Variants in GJC1 observed in about 807,000 individuals in gnomAD.
GJC1 encodes gap junction gamma-1 protein.
Under a neutral mutation model 29.3 loss-of-function variants are expected in GJC1, and 5 were observed. The observed-to-expected ratio is 0.17, with a 90% CI of 0.09 to 0.36. GJC1 has a LOEUF of 0.36. GJC1 is among the 10% of genes least tolerant of loss of function. The pLI, the probability that GJC1 is intolerant of heterozygous loss-of-function variation, is 1.00. For synonymous variants in GJC1, 177 were observed against 183.3 expected (o/e 0.97, Z 0.28); for missense variants, 310 against 496.2 (o/e 0.62, Z 3.56).
intron 1 of GJC1, among the ~76,000 whole-genome samples, chr17:44,819,162 A>G (rs907858541): frequency 6.6e-6 from 1 of 152,082 alleles, no homozygotes; most frequent in African/African-American, 2.4e-5. Flanking sequence ...TCATCTTGTA[A>G]AACTGAAACT....
chr17:44,830,617 C>T, upstream of GJC1: 1 of 398,670 alleles, frequency 2.5e-6, no homozygotes, highest in East Asian at 3.6e-5. This position sits in a 1 kb window ranked among gnomAD's most constrained non-coding sequence, Gnocchi z 4.3. Flanking sequence ...CCGCTAACGG[C>T]GCCGTGGGTT....
At chr17:44,797,976 G>A (rs1392617697), downstream of GJC1, among the ~76,000 whole-genome samples, 5 of 152,166 alleles carry the variant, frequency 3.3e-5, no homozygotes, top group African/African-American at 1.2e-4. Flanking sequence ...TCAGGAGGTG[G>A]ATTAGGCTTT....
intron 2 of GJC1, among the ~76,000 whole-genome samples, chr17:44,807,094 AC>A: frequency 6.6e-6 from 1 of 152,334 alleles, no homozygotes; most frequent in African/African-American, 2.4e-5. Context: ...ATACTTCTGT[AC>A]CTTATTTATG....
downstream of GJC1, among the ~76,000 whole-genome samples, chr17:44,795,884 G>A (rs967562099): frequency 1.3e-5 from 2 of 152,224 alleles, no homozygotes; most frequent in East Asian, 1.9e-4. Flanking sequence ...TGGAAGAATC[G>A]GATCGCACGT....
Position 44,804,554 on chromosome 17 carries a change from A to G in GJC1, c.*73T>C, listed in dbSNP as rs1395223991. The stretch of plus-strand genomic sequence containing the variant: ...GATAACCAGAGCCAAATGTTTACTC[A>G]ATGGAAGTCATTATTCAGTGAGCTG... On this transcript the variant is annotated 3_prime_UTR_variant, in exon 3 of 3. Coordinates refer to ENST00000592524, the MANE Select transcript of GJC1 (RefSeq NM_005497.4). 1 of 1,164,088 alleles carries G rather than the reference A, an allele frequency of 8.6e-7. No individual in the cohort carries two copies. Among genetic ancestry groups the G allele is most frequent in the Non-Finnish European group, 1.2e-6 (1 of 802,168 alleles). The allele number at this position is 1,164,088 out of a possible 1,614,324, so 72.1% of individuals were successfully genotyped here.
intron 1 of GJC1, among the ~76,000 whole-genome samples, chr17:44,826,797 G>C (rs1228156898): frequency 6.6e-6 from 1 of 151,998 alleles, no homozygotes; most frequent in Non-Finnish European, 1.5e-5. Context: ...AAAATTATTT[G>C]TATTTAAATC....
rs889072178 is a variant in GJC1 at position 44,799,619 on chromosome 17, A to G, written c.*5008T>C. The G allele has an allele frequency of 6.6e-6, 1 of 152,116 alleles. No homozygotes were observed. Among genetic ancestry groups the G allele is most frequent in the African/African-American group, 2.4e-5 (1 of 41,418 alleles). 9.4% of individuals were successfully genotyped at this position (152,116 alleles called of 1,614,324 possible). On this transcript the variant is annotated 3_prime_UTR_variant, in exon 3 of 3. Transcript: ENST00000592524. ...ATAACACATGAACCAAACCCACTTA[A>G]TATCATTATTAAAAACAGGCTGGGC...
chr17:44,806,530 T>G (rs2049916128), intron 2 of GJC1, among the ~76,000 whole-genome samples: 1 of 151,434 alleles, frequency 6.6e-6, no homozygotes, highest in African/African-American at 2.4e-5. Context: ...CTCCCGAGTA[T>G]CTGGGATTAC....
chr17:44,804,688 C>T lies in GJC1; in HGVS notation c.1130G>A (p.Gly377Glu), dbSNP rs1469004749. 1 of 1,614,108 alleles carries T rather than the reference C, an allele frequency of 6.2e-7. No homozygotes were observed. Among genetic ancestry groups the T allele is most frequent in the Admixed American group, 1.7e-5 (1 of 60,002 alleles). Residue 377 changes from glycine to glutamate, a missense_variant, in exon 3 of 3, where the codon GGG becomes GAG. Transcript: ENST00000592524. ...GCTACTGGCAGTGCTTTTGTTGGAC[C>T]CAGCTTTGGACCCCACTTTGGCCTT... ...EKKAKVGSKA[G>E]SNKSTASSKS... is the part of the protein sequence containing the mutation.
intron 1 of GJC1, chr17:44,829,739 C>A (rs2050210604): frequency 6.6e-6 from 1 of 152,106 alleles, no homozygotes; most frequent in Non-Finnish European, 1.5e-5. Flanking sequence ...TCTGTCCGGG[C>A]TCCCCGACCG....
rs748714619 is a variant in GJC1, at chr17:44,802,272, TG to T, written c.*2354del. On this transcript the variant is annotated 3_prime_UTR_variant, in exon 3 of 3. Transcript: ENST00000592524. ...GCATTTCTGCTTGACTCCTTCCCCC[TG>T]TATCATTCTCAAATCCCCAGCCTTT... is the stretch of plus-strand genomic sequence containing the variant. The T allele has an allele frequency of 2.0e-5, 3 of 152,158 alleles. No homozygotes were observed. Among genetic ancestry groups the T allele is most frequent in the African/African-American group, 7.2e-5 (3 of 41,440 alleles). 9.4% of individuals were successfully genotyped at this position (152,158 alleles called of 1,614,324 possible). A position where few individuals can be genotyped will look rare whatever the true frequency, so the allele number is the denominator to read the frequency against.
At chr17:44,826,247 T>C (rs2050175092) in intron 1 of GJC1, among the ~76,000 whole-genome samples, 1 of 152,220 alleles carries the variant, frequency 6.6e-6, no homozygotes, top group African/African-American at 2.4e-5. Flanking sequence ...AGAAGTAAAA[T>C]GCTGGCCGGG....
intron 1 of GJC1, among the ~76,000 whole-genome samples, chr17:44,818,226 A>C (rs945203204): frequency 3.9e-5 from 6 of 152,124 alleles, no homozygotes; most frequent in African/African-American, 1.4e-4. Context: ...AAAAACAAAC[A>C]AACAAACAAA....
downstream of GJC1, among the ~76,000 whole-genome samples, chr17:44,796,071 C>T (rs1426763050): frequency 1.3e-5 from 2 of 152,150 alleles, no homozygotes; most frequent in South Asian, 2.1e-4. Flanking sequence ...GGCCTGCCAG[C>T]GCACCGGTGC....
intron 1 of GJC1, among the ~76,000 whole-genome samples, chr17:44,814,403 G>A (rs1301855608): frequency 1.3e-5 from 2 of 152,056 alleles, no homozygotes; most frequent in Non-Finnish European, 2.9e-5. Context: ...GCCTCCCAAA[G>A]TGCTGGGATT....
intron 1 of GJC1, 87 bp downstream of exon 1, chr17:44,829,975 C>T (rs1307157184): frequency 2.6e-5 from 4 of 152,102 alleles, no homozygotes; most frequent in African/African-American, 4.8e-5. Flanking sequence ...CGGCCCCTCC[C>T]CGGGCTCCCC....
At chr17:44,814,039 T>C (rs1300554157) in intron 1 of GJC1, among the ~76,000 whole-genome samples, 2 of 152,068 alleles carry the variant, frequency 1.3e-5, no homozygotes, top group Non-Finnish European at 2.9e-5. Context: ...AGAAGGCAGG[T>C]TCTGGAATTA....
At chr17:44,796,774 T>C (rs1403259889), downstream of GJC1, among the ~76,000 whole-genome samples, 1 of 152,064 alleles carries the variant, frequency 6.6e-6, no homozygotes, top group African/African-American at 2.4e-5. Context: ...TTGTTAGTTC[T>C]GATTATGTAG....
downstream of GJC1, chr17:44,794,390 A>G (rs1438835535): frequency 6.6e-6 from 1 of 152,238 alleles, no homozygotes; most frequent in Non-Finnish European, 1.5e-5. Flanking sequence ...TTTGCAGTTA[A>G]AAGTGTCTTC....
Sources: gnomAD v4.1 joint callset for allele counts (sites outside exome capture counted in the v4.1 genomes callset) on GRCh38, gnomAD v4.1.1 for gene constraint, Gnocchi (gnomAD v3.1) non-coding constraint, MANE v1.5 for transcripts, NCBI Gene and HGNC (gene_info 2026-07-23, HGNC 2026-07-21) for gene names.